The following ST18 variants were observed in gnomAD, a reference collection of about 807,000 sequenced individuals.
ST18 encodes the protein ST18 C2H2C-type zinc finger transcription factor, also known as suppression of tumorigenicity 18 protein.
A neutral mutation model predicts 110.0 loss-of-function variants in ST18; 50 were observed. The observed-to-expected ratio is 0.45, with a 90% CI of 0.36 to 0.58. ST18 has a LOEUF of 0.58. Ranked by LOEUF, ST18 falls within the 20% of genes least tolerant of loss-of-function variation. The pLI is 0.00. For missense variants in ST18, 1,306 were observed against 1,280.1 expected (o/e 1.02, Z -0.31); for synonymous variants, 461 against 452.4 (o/e 1.02, Z -0.24).
intron 2 of ST18, among the ~76,000 whole-genome samples, chr8:52,243,562 C>T (rs2093613019): frequency 6.6e-6 from 1 of 152,104 alleles, no homozygotes; most frequent in Admixed American, 6.6e-5. Context: ...AGGCTGGTGA[C>T]ATAAGGAAGG....
At chr8:52,288,765 A>G (rs537198396) in intron 2 of ST18, among the ~76,000 whole-genome samples, 75 of 152,294 alleles carry the variant, frequency 4.9e-4, no homozygotes, top group African/African-American at 1.8e-3. Context: ...CTTTAGGAGG[A>G]TAAAGATTGT....
Position 52,218,334 on chromosome 8 carries a change from G to A in ST18, c.-156-433C>T, listed in dbSNP as rs186937929. ...TCTGAAAACCCTTATAAAATTAATC[G>A]TAAAATTGTCTAGTTAGATAGATAT... is the stretch of plus-strand genomic sequence containing the variant. On this transcript the variant is annotated intron_variant, in intron 5 of 25. Transcript: ENST00000689386. Among the ~76,000 whole-genome samples, 17 of 151,276 alleles carry A rather than the reference G, an allele frequency of 1.1e-4. 1 individual carries two copies. Among genetic ancestry groups the A allele is most frequent in the South Asian group, 4.2e-4 (2 of 4,802 alleles).
intron 2 of ST18, among the ~76,000 whole-genome samples, chr8:52,362,937 C>T (rs751249754): frequency 6.6e-5 from 10 of 152,154 alleles, no homozygotes; most frequent in Non-Finnish European, 1.2e-4. Flanking sequence ...ACAGGCCAGA[C>T]GCGGTGGCTC....
chr8:52,163,883 G>C (rs1483800226), intron 13 of ST18, 103 bp downstream of exon 13: 1 of 811,128 alleles, frequency 1.2e-6, no homozygotes, highest in Non-Finnish European at 2.0e-6. Flanking sequence ...GGGGCTGAGA[G>C]GGGAGGTCAA....
At chr8:52,316,441 A>G (rs2096027896) in intron 2 of ST18, among the ~76,000 whole-genome samples, 1 of 152,222 alleles carries the variant, frequency 6.6e-6, no homozygotes, top group Admixed American at 6.5e-5. Context: ...AATTTTTGCA[A>G]AACTTTTTAT....
At chr8:52,359,784 C>G (rs550950854) in intron 2 of ST18, among the ~76,000 whole-genome samples, 1 of 152,218 alleles carries the variant, frequency 6.6e-6, no homozygotes, top group South Asian at 2.1e-4. Context: ...TTGGAGATGG[C>G]ACTGCTGAGA....
intron 16 of ST18, among the ~76,000 whole-genome samples, 172 bp from the exon 17 acceptor site, chr8:52,143,217 T>G (rs1487104166): frequency 6.6e-6 from 1 of 152,140 alleles, no homozygotes; most frequent in African/African-American, 2.4e-5. Context: ...CCAGGCGAGG[T>G]GGCTGATGCC....
chr8:52,170,208 C>A (rs2064343304), intron 10 of ST18, among the ~76,000 whole-genome samples: 1 of 152,198 alleles, frequency 6.6e-6, no homozygotes, highest in East Asian at 1.9e-4. Context: ...ATGATCACAC[C>A]TGTAATCCCA....
At chr8:52,254,673 G>T (rs552433285) in intron 2 of ST18, among the ~76,000 whole-genome samples, 1 of 152,064 alleles carries the variant, frequency 6.6e-6, no homozygotes, top group African/African-American at 2.4e-5. Context: ...TTATCGCCAC[G>T]GCAACAACAA....
rs537491164 is a variant in ST18 at position 52,153,076 on chromosome 8, T to G, written c.1807-3099A>C. Among the ~76,000 whole-genome samples, 7 of 152,376 alleles carry G rather than the reference T, an allele frequency of 4.6e-5. No homozygotes were observed. In the South Asian group the frequency reaches 1.4e-3, roughly 32 times the overall value. ...TGTAGAAGGTAGGCTTGTGGCTATT[T>G]TCTTCCATTATTTTTCAGGCAAATG... On this transcript the variant is annotated intron_variant, in intron 15 of 25. Transcript: ENST00000689386.
At chr8:52,152,533 G>A (rs1467058613) in intron 15 of ST18, among the ~76,000 whole-genome samples, 2 of 152,092 alleles carry the variant, frequency 1.3e-5, no homozygotes, top group East Asian at 1.9e-4. Context: ...GGACATCCCA[G>A]GCCATCGATT....
At chr8:52,170,928 T>A (rs1250332376) in intron 10 of ST18, among the ~76,000 whole-genome samples, 1 of 152,228 alleles carries the variant, frequency 6.6e-6, no homozygotes, top group African/African-American at 2.4e-5. Context: ...GTTATTCTTG[T>A]AAGCTCCTTG....
chr8:52,138,073 A>G (rs10090507), intron 17 of ST18, among the ~76,000 whole-genome samples: 2,237 of 150,510 alleles, frequency 0.015, 47 homozygotes, highest in African/African-American at 0.052. Flanking sequence ...GCACTGGGCA[A>G]CAAGAGTAAA....
At chr8:52,295,028 G>C (rs1459628390) in intron 2 of ST18, among the ~76,000 whole-genome samples, 1 of 152,204 alleles carries the variant, frequency 6.6e-6, no homozygotes, top group Non-Finnish European at 1.5e-5. Flanking sequence ...AGATGGATAG[G>C]AGTCATTTTC....
intron 2 of ST18, among the ~76,000 whole-genome samples, chr8:52,263,126 G>A (rs1276856796): frequency 6.6e-6 from 1 of 152,090 alleles, no homozygotes; most frequent in Non-Finnish European, 1.5e-5. Flanking sequence ...TATAGTGCTG[G>A]TTTCCATTTC....
In ST18 at chr8:52,124,016, G is replaced by A. The variant is rs28680601; in HGVS notation, c.2755+2036C>T. Among the ~76,000 whole-genome samples, 1,120 of 152,236 alleles carry A rather than the reference G, an allele frequency of 7.4e-3. 12 individuals are homozygous for A. Among genetic ancestry groups the A allele is most frequent in the African/African-American group, 0.025 (1,053 of 41,532 alleles). ...TTACTTACTACCACGTGATTCACAC[G>A]GTGATTATAGCTTTCTTTTGTGTTG... is the stretch of plus-strand genomic sequence containing the variant. On this transcript the variant is annotated intron_variant, in intron 23 of 25. Coordinates refer to ENST00000689386, the MANE Select transcript of ST18 (RefSeq NM_001352837.2).
chr8:52,142,856 T>C, intron 17 of ST18, 74 bp downstream of exon 17: 3 of 1,111,234 alleles, frequency 2.7e-6, no homozygotes, highest in Non-Finnish European at 2.7e-6. Flanking sequence ...TAAGCCAGGA[T>C]ATTGTAACTT....
chr8:52,387,691 C>T (rs1035275270), intron 2 of ST18, among the ~76,000 whole-genome samples: 5 of 152,032 alleles, frequency 3.3e-5, no homozygotes, highest in East Asian at 1.9e-4. Context: ...AAAAAGTGTA[C>T]GTTCATAACA....
chr8:52,180,553 G>A (rs1267295950), intron 8 of ST18, among the ~76,000 whole-genome samples: 1 of 151,832 alleles, frequency 6.6e-6, no homozygotes, highest in Non-Finnish European at 1.5e-5. Context: ...GTAAGCATAT[G>A]TTAATCTGTG....
Sources: allele counts gnomAD v4.1 joint callset (sites outside exome capture counted in the v4.1 genomes callset), GRCh38; gene constraint gnomAD v4.1.1; transcripts MANE v1.5; gene names NCBI Gene and HGNC (gene_info 2026-07-23, HGNC 2026-07-21).